The following TENM3 variants were observed in gnomAD, a reference collection of about 807,000 sequenced individuals.
TENM3 encodes teneurin transmembrane protein 3.
A neutral mutation model predicts 255.1 loss-of-function variants in TENM3; 63 were observed. The ratio of observed to expected loss-of-function variants is 0.25; its 90% CI spans 0.20 to 0.30. TENM3 has a LOEUF of 0.30. TENM3 is among the 10% of genes least tolerant of loss of function. The pLI is 1.00. For missense variants in TENM3, 2,929 were observed against 3,461.1 expected (o/e 0.85, Z 3.86); for synonymous variants, 1,306 against 1,322.3 (o/e 0.99, Z 0.27).
At chr4:182,364,867 G>A (rs2150811365) in intron 3 of TENM3, among the ~76,000 whole-genome samples, 1 of 152,256 alleles carries the variant, frequency 6.6e-6, no homozygotes, top group Non-Finnish European at 1.5e-5. Flanking sequence ...AAGTGATTCT[G>A]CAATAATGAT....
At chr4:181,888,952 C>T in the TENM3 span, among the ~76,000 whole-genome samples, 6 of 151,896 alleles carry the variant, frequency 4.0e-5, no homozygotes, top group African/African-American at 9.7e-5. Context: ...GGGGATCTTC[C>T]TTTGTCAGTT....
chr4:181,939,141 T>G, the TENM3 span, among the ~76,000 whole-genome samples: 1 of 152,226 alleles, frequency 6.6e-6, no homozygotes, highest in African/African-American at 2.4e-5. Flanking sequence ...ACTTAAAGTA[T>G]AAAAGAAAAT....
chr4:182,714,948 G>A (rs564689040), intron 13 of TENM3, among the ~76,000 whole-genome samples: 16 of 152,128 alleles, frequency 1.1e-4, no homozygotes, highest in Non-Finnish European at 2.2e-4. Context: ...GCAATGGCAC[G>A]ATCTCAGCTC....
At chr4:181,471,452 A>G in the TENM3 span, among the ~76,000 whole-genome samples, 1 of 152,204 alleles carries the variant, frequency 6.6e-6, no homozygotes, top group Non-Finnish European at 1.5e-5. Flanking sequence ...CTTCCCTTCA[A>G]CTACTGAATT....
At chr4:181,788,853 T>C in the TENM3 span, among the ~76,000 whole-genome samples, 39 of 152,278 alleles carry the variant, frequency 2.6e-4, 1 homozygote, top group African/African-American at 9.4e-4. Flanking sequence ...CCGTCTCAGC[T>C]TTCCAAAGTG....
At chr4:181,888,527 C>CAT in the TENM3 span, among the ~76,000 whole-genome samples, 1 of 65,300 alleles carries the variant, frequency 1.5e-5, no homozygotes, top group Non-Finnish European at 2.7e-5. Flanking sequence ...TATATATATA[C>CAT]ATATATGTGT....
intron 1 of TENM3, among the ~76,000 whole-genome samples, chr4:182,217,650 T>C (rs1323772124): frequency 6.6e-6 from 1 of 152,160 alleles, no homozygotes; most frequent in South Asian, 2.1e-4. Flanking sequence ...CCTGGAGATA[T>C]CAAATCATGT....
intron 1 of TENM3, among the ~76,000 whole-genome samples, chr4:182,277,875 C>T (rs1225879739): frequency 6.6e-6 from 1 of 152,148 alleles, no homozygotes; most frequent in Admixed American, 6.5e-5. Flanking sequence ...AACAGTAGTG[C>T]AAAATTACTT....
Position 182,730,234 on chromosome 4 carries a change from G to A in TENM3, c.2620G>A (p.Ala874Thr). ...ASVIRGQVLT[A>T]DGTPLIGVNV... ...TGTCATCAGAGGCCAAGTACTGACTGCTGATGGAACTCCACTTATTGGAGT... is the reference window on the plus strand; with the variant it reads ...TGTCATCAGAGGCCAAGTACTGACTACTGATGGAACTCCACTTATTGGAGT... Residue 874 changes from alanine (A) to threonine (T), a missense_variant, in exon 15 of 28, where the codon GCT (alanine) becomes ACT (threonine). Ala to Thr is a moderately conservative substitution (Grantham distance 58, BLOSUM62 0). This residue lies in a region of TENM3 where 1,608 missense variants were observed against 1,884.4 expected (regional missense o/e 0.85). Coordinates refer to ENST00000511685, the MANE Select transcript of TENM3 (RefSeq NM_001080477.4). 5 of 1,613,802 alleles carry A rather than the reference G, an allele frequency of 3.1e-6. No individual in the cohort carries two copies. The highest frequency in any genetic ancestry group is 4.2e-6 in the Non-Finnish European group (5 of 1,179,774).
chr4:181,905,994 C>A, the TENM3 span: 3 of 494,628 alleles, frequency 6.1e-6, no homozygotes, highest in Non-Finnish European at 1.2e-5. Context: ...TACTCAATTT[C>A]TCATGCTTTT....
At chr4:182,019,331 C>T in the TENM3 span, among the ~76,000 whole-genome samples, 1 of 152,154 alleles carries the variant, frequency 6.6e-6, no homozygotes, top group Non-Finnish European at 1.5e-5. Flanking sequence ...GTTCTTTGCA[C>T]CCAGCGCCAC....
At chr4:181,752,576 G>T in the TENM3 span, among the ~76,000 whole-genome samples, 1 of 151,968 alleles carries the variant, frequency 6.6e-6, no homozygotes, top group Admixed American at 6.6e-5. Flanking sequence ...ATGGAATGTA[G>T]GTATCAATCA....
At chr4:181,657,803 TA>T in the TENM3 span, among the ~76,000 whole-genome samples, 131,197 of 151,418 alleles carry the variant, frequency 0.87, 56,900 homozygotes, top group South Asian at 0.93. Flanking sequence ...CAACTATATA[TA>T]AAAAAAAAAA....
At chr4:181,867,620 C>T in the TENM3 span, among the ~76,000 whole-genome samples, 1 of 152,218 alleles carries the variant, frequency 6.6e-6, no homozygotes, top group South Asian at 2.1e-4. Flanking sequence ...TTGCTTGTTA[C>T]ATGACTGAGC....
chr4:182,703,955 T>C (rs906343675), intron 12 of TENM3, among the ~76,000 whole-genome samples: 1 of 152,252 alleles, frequency 6.6e-6, no homozygotes, highest in African/African-American at 2.4e-5. Flanking sequence ...CTGTAATCAC[T>C]GTTATAACCA....
chr4:182,600,910 T>G lies in TENM3; in HGVS notation c.512-14T>G, dbSNP rs1250724712. On this transcript the variant is annotated splice_polypyrimidine_tract_variant and intron_variant, in intron 3 of 27. Coordinates refer to ENST00000511685, the MANE Select transcript of TENM3 (RefSeq NM_001080477.4). Reference sequence around the variant, plus strand: ...TGAGTTCTCTTTCTTTTTTTTTTTTTTTTTTTTTTTCAGAGCAACCTGCAA... The same window carrying G: ...TGAGTTCTCTTTCTTTTTTTTTTTTGTTTTTTTTTTCAGAGCAACCTGCAA... 2 of 1,260,926 alleles carry G rather than the reference T, an allele frequency of 1.6e-6. No individual in the cohort carries two copies. Among genetic ancestry groups the G allele is most frequent in the East Asian group, 5.2e-5 (2 of 38,206 alleles). 78.1% of individuals were successfully genotyped at this position (1,260,926 alleles called of 1,614,324 possible).
intron 3 of TENM3, among the ~76,000 whole-genome samples, chr4:182,555,566 A>G (rs1742500026): frequency 6.6e-6 from 1 of 152,198 alleles, no homozygotes. Context: ...GCCTGGTTCA[A>G]GTAGGTGCTC....
At chr4:181,919,439 G>A in the TENM3 span, among the ~76,000 whole-genome samples, 1 of 150,216 alleles carries the variant, frequency 6.7e-6, no homozygotes, top group African/African-American at 2.5e-5. Context: ...AAAAAGATTG[G>A]AGGTTTTCGT....
chr4:182,145,516 C>CT (rs1211768303), intron 1 of TENM3, among the ~76,000 whole-genome samples: 1 of 152,176 alleles, frequency 6.6e-6, no homozygotes. Flanking sequence ...TTGATCTTTG[C>CT]TGAGCATCTT....
Sources: allele counts gnomAD v4.1 joint callset (sites outside exome capture counted in the v4.1 genomes callset), GRCh38; gene constraint gnomAD v4.1.1; regional missense constraint gnomAD v4.1.1; transcripts MANE v1.5; gene names NCBI Gene and HGNC (gene_info 2026-07-23, HGNC 2026-07-21).